PCDHA1: variants seen among roughly 807,000 people sequenced by gnomAD.
PCDHA1 encodes the protein protocadherin alpha 1.
Under a neutral mutation model 61.3 loss-of-function variants are expected in PCDHA1, and 42 were observed. The ratio of observed to expected loss-of-function variants is 0.69; its 90% confidence interval spans 0.54 to 0.89. The LOEUF (loss-of-function observed/expected upper bound fraction) is 0.89. Among genes scored for constraint, PCDHA1 ranks in the 40% least tolerant of loss-of-function variants. The probability of loss-of-function intolerance (pLI) is 0.00; values close to 1 mark genes in which losing one functional copy is unlikely to be tolerated. For missense variants in PCDHA1, 1,256 were observed against 1,235.3 expected (o/e 1.02, Z -0.25); for synonymous variants, 610 against 553.8 (o/e 1.10, Z -1.43).
intron 3 of PCDHA1, among the ~76,000 whole-genome samples, chr5:141,007,707 C>T (rs1027610738): frequency 6.6e-6 from 1 of 152,172 alleles, no homozygotes; most frequent in Non-Finnish European, 1.5e-5. Context: ...CCTCTGCCTC[C>T]CACCACCAGG....
chr5:140,988,201 A>C (rs2097286908), intron 3 of PCDHA1, among the ~76,000 whole-genome samples: 1 of 152,064 alleles, frequency 6.6e-6, no homozygotes, highest in Non-Finnish European at 1.5e-5. Context: ...GCATATCCTT[A>C]TTAGGAAAAA....
At chr5:140,821,287 A>T (rs1180912699) in intron 1 of PCDHA1, among the ~76,000 whole-genome samples, 1 of 152,024 alleles carries the variant, frequency 6.6e-6, no homozygotes, top group Non-Finnish European at 1.5e-5. Context: ...AAATATATAA[A>T]CTCCTCCCTA....
intron 1 of PCDHA1, among the ~76,000 whole-genome samples, chr5:140,921,037 T>C (rs2079983245): frequency 1.3e-5 from 2 of 151,986 alleles, no homozygotes; most frequent in Admixed American, 1.3e-4. Context: ...TGGGGTGCAG[T>C]GGGGCAATCA....
intron 1 of PCDHA1, among the ~76,000 whole-genome samples, chr5:140,958,627 T>C (rs1183042351): frequency 6.6e-6 from 1 of 152,128 alleles, no homozygotes; most frequent in African/African-American, 2.4e-5. Flanking sequence ...AGCTTGAGAG[T>C]ACTGCAGAAA....
intron 1 of PCDHA1, chr5:140,829,760 G>T (rs1554132217): frequency 6.2e-7 from 1 of 1,613,780 alleles, no homozygotes. Context: ...GTTCGTGCTG[G>T]ACGAGAACGA....
intron 1 of PCDHA1, among the ~76,000 whole-genome samples, chr5:140,953,875 C>T (rs1054189459): frequency 4.6e-5 from 7 of 152,088 alleles, no homozygotes; most frequent in Admixed American, 4.6e-4. Context: ...CTGCACAGAT[C>T]AACCCATCAC....
intron 1 of PCDHA1, chr5:140,808,856 G>A (rs1764280516): frequency 6.2e-7 from 1 of 1,613,126 alleles, no homozygotes; most frequent in African/African-American, 1.3e-5. Flanking sequence ...GTTCGTGCTG[G>A]ACGAAAACGA....
At chr5:140,796,735 G>A in intron 1 of PCDHA1, 1 of 1,614,112 alleles carries the variant, frequency 6.2e-7, no homozygotes, top group Non-Finnish European at 8.5e-7. Context: ...AGGGCACGTG[G>A]TGGCGAAGGT....
intron 1 of PCDHA1, among the ~76,000 whole-genome samples, chr5:140,945,791 G>T (rs782283550): frequency 1.3e-5 from 2 of 152,064 alleles, no homozygotes; most frequent in Non-Finnish European, 2.9e-5. Flanking sequence ...GCAGAAAAAT[G>T]AAACTAGACC....
chr5:140,850,575 G>A, intron 1 of PCDHA1: 1 of 1,598,458 alleles, frequency 6.3e-7, no homozygotes, highest in Non-Finnish European at 8.6e-7. Flanking sequence ...GGTGACGCTG[G>A]TGGATGTCAA....
chr5:140,997,559 T>A (rs550494855), intron 3 of PCDHA1, among the ~76,000 whole-genome samples: 2 of 152,148 alleles, frequency 1.3e-5, no homozygotes, highest in South Asian at 4.1e-4. Flanking sequence ...ACAGGACAAC[T>A]GTCATATGTG....
chr5:140,915,886 T>A (rs1259377999), intron 1 of PCDHA1, among the ~76,000 whole-genome samples: 2 of 152,186 alleles, frequency 1.3e-5, no homozygotes, highest in African/African-American at 4.8e-5. Context: ...GGGTAGCAAG[T>A]TCCCCCTGGC....
At chr5:140,883,121 G>A in intron 1 of PCDHA1, 3 of 1,614,070 alleles carry the variant, frequency 1.9e-6, no homozygotes, top group Non-Finnish European at 2.5e-6. Context: ...TAGAAGGCCT[G>A]TATGGCCTGC....
At chr5:140,841,815 ACTC>A in intron 1 of PCDHA1, 1 of 1,613,826 alleles carries the variant, frequency 6.2e-7, no homozygotes, top group Non-Finnish European at 8.5e-7. Flanking sequence ...GTTGGAGCTA[ACTC>A]CGTGTTAACC....
At chr5:140,838,083 T>TA (rs1554136873) in intron 1 of PCDHA1, among the ~76,000 whole-genome samples, 32 of 31,830 alleles carry the variant, frequency 1.0e-3, no homozygotes, top group African/African-American at 3.5e-3. Flanking sequence ...ATATAGTGTG[T>TA]GTGTGTGTGT....
At chr5:140,854,876 C>A (rs1221945079) in intron 1 of PCDHA1, among the ~76,000 whole-genome samples, 1 of 149,610 alleles carries the variant, frequency 6.7e-6, no homozygotes, top group Non-Finnish European at 1.5e-5. Context: ...AGAACTGTGT[C>A]TTTTGGGCAT....
Position 140,917,329 on chromosome 5 carries a change from G to GT in PCDHA1, c.2395-61620_2395-61619insT, listed in dbSNP as rs1563018868. On this transcript the variant is annotated intron_variant, in intron 1 of 3. Coordinates refer to ENST00000504120, the MANE Select transcript of PCDHA1 (RefSeq NM_018900.4). ...ACAATTTGGTGTTCATGTGGCGGGG[G>GT]AGGGGGGGGATGGTGTAGGCTTCTG... is the stretch of plus-strand genomic sequence containing the variant. 5.6e-5 allele frequency among the ~76,000 whole-genome samples: 8 copies of GT among 143,930 alleles called. 1 individual carries two copies. The highest frequency in any genetic ancestry group is 9.1e-5 in the Non-Finnish European group (6 of 65,842). The allele number at this position is 143,930 out of a possible 152,430, so 94.4% of individuals were successfully genotyped here.
Position 140,843,074 on chromosome 5 carries a change from G to T in PCDHA1, c.2394+54390G>T. On this transcript the variant is annotated intron_variant, in intron 1 of 3. Coordinates refer to ENST00000504120, the MANE Select transcript of PCDHA1 (RefSeq NM_018900.4). ...AGCGAGCAAGCTGGTGCCGCGGTCT[G>T]TGGGCGCGGGCCACGTGGTAGCGAA... is the stretch of plus-strand genomic sequence containing the variant. The T allele has an allele frequency of 3.1e-6, 5 of 1,595,392 alleles. 1 individual carries two copies. Among genetic ancestry groups the T allele is most frequent in the Non-Finnish European group, 4.3e-6 (5 of 1,165,320 alleles).
chr5:140,809,698 T>G, intron 1 of PCDHA1: 1 of 1,155,888 alleles, frequency 8.7e-7, no homozygotes, highest in East Asian at 2.4e-5. Context: ...ATATCCATTT[T>G]AACTAAAGTC....
Sources: allele counts gnomAD v4.1 joint callset (sites outside exome capture counted in the v4.1 genomes callset), GRCh38; gene constraint gnomAD v4.1.1; transcripts MANE v1.5; gene names NCBI Gene and HGNC (gene_info 2026-07-23, HGNC 2026-07-21).